SIAE: variants seen among roughly 807,000 people sequenced by gnomAD.
SIAE encodes sialate O-acetylesterase.
In SIAE, 39 loss-of-function variants were observed where a neutral mutation model predicts 52.6. The ratio of observed to expected loss-of-function variants is 0.74; its 90% CI spans 0.57 to 0.97. SIAE has a LOEUF of 0.97. Ranked by LOEUF, SIAE falls within the 50% of genes least tolerant of loss-of-function variation. SIAE has a pLI of 0.00. For synonymous variants in SIAE, 233 were observed against 241.4 expected (o/e 0.97, Z 0.32); for missense variants, 592 against 662.1 (o/e 0.89, Z 1.16).
chr11:124,671,400 G>A (rs1020106890), intron 1 of SIAE, among the ~76,000 whole-genome samples: 4 of 152,140 alleles, frequency 2.6e-5, no homozygotes, highest in African/African-American at 7.2e-5. Flanking sequence ...AAAAATCCTT[G>A]CCCACAGGGA....
At position 124,637,124 on chromosome 11, in the gene SIAE, C is replaced by T. The variant is rs1419395780; in HGVS notation, c.1399G>A (p.Ala467Thr). ...NTVSTQSLTLAIDSCHGTVVA... is the reference protein window; with the variant it reads ...NTVSTQSLTLTIDSCHGTVVA... ...ACAGTGCCATGACAAGAATCGATCGCCAGGGTCAGGGACTGGGTGGAGACG... is the reference window on the plus strand; with the variant it reads ...ACAGTGCCATGACAAGAATCGATCGTCAGGGTCAGGGACTGGGTGGAGACG... The change falls in exon 10 of 10, where the codon GCG becomes ACG. Residue 467 changes from alanine (A) to threonine (T), a missense_variant. Physicochemically the swap from Ala to Thr is moderately conservative, Grantham distance 58 (BLOSUM62 0). Coordinates refer to ENST00000263593, the MANE Select transcript of SIAE (RefSeq NM_170601.5). 33 of 1,614,040 alleles carry T rather than the reference C, an allele frequency of 2.0e-5. No homozygotes were observed. The highest frequency in any genetic ancestry group is 2.8e-5 in the Non-Finnish European group (33 of 1,180,038).
At position 124,654,687 on chromosome 11, in the gene SIAE, G is replaced by C; in HGVS notation, c.512C>G (p.Ala171Gly). The change falls in exon 4 of 10, where the codon GCG becomes GGG. Residue 171 changes from alanine (A) to glycine (G), a missense_variant. Coordinates refer to ENST00000263593, the MANE Select transcript of SIAE (RefSeq NM_170601.5). ...GGGCTTAGACCACTGCAAGTCAACC[G>C]CAACAAGGTCCTCCAGCTCCTGCTC... ...QAEQELEDLV[A>G]VDLQWSKPTS... 1 of 1,614,140 alleles carries C rather than the reference G, an allele frequency of 6.2e-7. No individual in the cohort carries two copies. Among genetic ancestry groups the C allele is most frequent in the Non-Finnish European group, 8.5e-7 (1 of 1,180,030 alleles).
chr11:124,674,615 T>C (rs1048828685), upstream of SIAE: 1 of 151,970 alleles, frequency 6.6e-6, no homozygotes, highest in Admixed American at 6.6e-5. Flanking sequence ...AACCGAAAAA[T>C]ATAAGAATTC....
rs1218680457 is a variant in SIAE, at chr11:124,636,850, C to CTATT, written c.*97_*100dup. 2 of 1,538,096 alleles carry CTATT rather than the reference C, an allele frequency of 1.3e-6. No individual in the cohort carries two copies. The highest frequency in any genetic ancestry group is 2.7e-5 in the African/African-American group (2 of 73,222). ...GCTGAAAGCCATTCAATGAGGCTTT[C>CTATT]TATTAATTTCCTTTAAAAGCAATGG... On this transcript the variant is annotated 3_prime_UTR_variant, in exon 10 of 10. Transcript: ENST00000263593.
Position 124,673,718 on chromosome 11 carries a change from G to C in SIAE, c.-10C>G, listed in dbSNP as rs753362128. The C allele has an allele frequency of 1.9e-6, 3 of 1,613,314 alleles. No homozygotes were observed. The highest frequency in any genetic ancestry group is 1.7e-6 in the Non-Finnish European group (2 of 1,179,694). ...GCCCCGGCGCGACCATGCTTGCAAG[G>C]ATCTGACCGCCGCCTAGGACTGGGA... On this transcript the variant is annotated 5_prime_UTR_variant, in exon 1 of 10. In the 5' UTR this introduces an upstream ATG that the reference lacks. Transcript: ENST00000263593.
intron 5 of SIAE, 79 bp downstream of exon 5, chr11:124,649,539 CT>C: frequency 1.4e-6 from 2 of 1,474,464 alleles, no homozygotes; most frequent in East Asian, 4.5e-5. Context: ...ATATACTTAA[CT>C]CCCCACAGAG....
At chr11:124,675,459 T>G (rs199610309), upstream of SIAE, 34 of 1,592,854 alleles carry the variant, frequency 2.1e-5, no homozygotes, top group Non-Finnish European at 2.9e-5. Flanking sequence ...AATAAGAAAC[T>G]AAGCATTTGT....
At chr11:124,673,861 C>A, upstream of SIAE, 1 of 728,346 alleles carries the variant, frequency 1.4e-6, no homozygotes. Context: ...TTCTCGGCCG[C>A]CGTAGTTTTT....
At position 124,635,093 on chromosome 11, in the gene SIAE, G is replaced by A. The variant is rs1194522216; in HGVS notation, c.*1858C>T. 6.6e-6 allele frequency: 1 copy of A among 152,202 alleles called. No individual in the cohort carries two copies. Among genetic ancestry groups the A allele is most frequent in the East Asian group, 1.9e-4 (1 of 5,196 alleles). 9.4% of individuals were successfully genotyped at this position (152,202 alleles called of 1,614,324 possible). A position where few individuals can be genotyped will look rare whatever the true frequency, so the allele number is the denominator to read the frequency against. On this transcript the variant is annotated 3_prime_UTR_variant, in exon 10 of 10. Transcript: ENST00000263593. ...ACACTATGTACTCTAGGTTCCTGGAGGTGAAAGGAATCTGGACTTAGAGTT... is the reference window on the plus strand; with the variant it reads ...ACACTATGTACTCTAGGTTCCTGGAAGTGAAAGGAATCTGGACTTAGAGTT...
chr11:124,648,678 G>C (rs934078612), intron 5 of SIAE, among the ~76,000 whole-genome samples: 1 of 151,988 alleles, frequency 6.6e-6, no homozygotes, highest in African/African-American at 2.4e-5. Context: ...CTTTTTTAAG[G>C]CTCTGAACAC....
intron 2 of SIAE, 69 bp downstream of exon 2, chr11:124,669,291 A>T: frequency 6.4e-7 from 1 of 1,567,706 alleles, no homozygotes; most frequent in Non-Finnish European, 8.8e-7. Flanking sequence ...CAGCATTAGC[A>T]TTCATTTTCA....
At chr11:124,641,359 G>A (rs888443597) in intron 7 of SIAE, among the ~76,000 whole-genome samples, 10 of 152,218 alleles carry the variant, frequency 6.6e-5, no homozygotes, top group African/African-American at 2.4e-4. Flanking sequence ...AAGGTGGGGA[G>A]GAGAATGGTC....
In SIAE at chr11:124,635,722, CATAG is replaced by C. The variant is rs1217376906; in HGVS notation, c.*1225_*1228del. On this transcript the variant is annotated 3_prime_UTR_variant, in exon 10 of 10. Transcript: ENST00000263593. ...TCACATTAAGGGGAGGAAAGCTACC[CATAG>C]ATAGTATTCTTACTCCTTTTCACAT... 2.0e-5 allele frequency: 3 copies of C among 152,146 alleles called. No homozygotes were observed. Among genetic ancestry groups the C allele is most frequent in the Non-Finnish European group, 4.4e-5 (3 of 68,026 alleles). The allele number at this position is 152,146 out of a possible 1,614,324, so 9.4% of individuals were successfully genotyped here. A position where few individuals can be genotyped will look rare whatever the true frequency, so the allele number is the denominator to read the frequency against.
At chr11:124,672,478 A>C (rs1468503459) in intron 1 of SIAE, among the ~76,000 whole-genome samples, 1 of 152,194 alleles carries the variant, frequency 6.6e-6, no homozygotes, top group East Asian at 1.9e-4. Context: ...AGGGAGAATG[A>C]CTTAAAGGAA....
intron 1 of SIAE, 77 bp from the exon 2 acceptor site, chr11:124,669,598 G>A (rs139720548): frequency 3.8e-6 from 5 of 1,308,612 alleles, no homozygotes; most frequent in Admixed American, 1.7e-5. Context: ...AAACAGCAAA[G>A]AACATACAGT....
chr11:124,647,776 G>T (rs1218887942), intron 6 of SIAE, among the ~76,000 whole-genome samples: 2 of 152,130 alleles, frequency 1.3e-5, no homozygotes, highest in East Asian at 1.9e-4. Flanking sequence ...AGGATAAGAG[G>T]TCACCTCAGA....
chr11:124,673,501 G>T, intron 1 of SIAE, 141 bp downstream of exon 1: 1 of 957,736 alleles, frequency 1.0e-6, no homozygotes, highest in Non-Finnish European at 1.6e-6. Flanking sequence ...GGCCTCGGTC[G>T]GAGACGCGAG....
rs57367326 is a variant in SIAE at position 124,661,823 on chromosome 11, A to G, written c.230-1020T>C. Among the ~76,000 whole-genome samples the G allele has an allele frequency of 8.9e-3, 1,351 of 152,360 alleles. 25 individuals are homozygous for G. The East Asian group carries it at 0.092, about 10-fold the overall frequency. On this transcript the variant is annotated intron_variant, in intron 2 of 9. Transcript: ENST00000263593. ...AATGTAAATTCAAAGGGAAAGAATG[A>G]TAAGAACTGGAAATGGAGCATCCTA...
At position 124,647,439 on chromosome 11, in the gene SIAE, C is replaced by T. The variant is rs926839003; in HGVS notation, c.892G>A (p.Glu298Lys). 2.5e-6 allele frequency: 4 copies of T among 1,614,138 alleles called. No homozygotes were observed. The highest frequency in any genetic ancestry group is 2.2e-5 in the East Asian group (1 of 44,882). The change falls in exon 7 of 10, where the codon GAA (glutamate) becomes AAA (lysine). Residue 298 changes from glutamate (E) to lysine (K), a missense_variant. Coordinates refer to ENST00000263593, the MANE Select transcript of SIAE (RefSeq NM_170601.5). The stretch of plus-strand genomic sequence containing the variant: ...CGGTGGAAGGTTTCACGCCAGTCTT[C>T]GATGAGTGCAGGGAATGTGCAATTG... ...LYNCTFPALI[E>K]DWRETFHRGS...
Sources: allele counts gnomAD v4.1 joint callset (sites outside exome capture counted in the v4.1 genomes callset), GRCh38; gene constraint gnomAD v4.1.1; transcripts MANE v1.5; gene names NCBI Gene and HGNC (gene_info 2026-07-23, HGNC 2026-07-21).